STK33: variants seen among roughly 807,000 people sequenced by gnomAD.
The protein encoded by STK33 is serine/threonine kinase 33, also known as serine/threonine-protein kinase 33.
A neutral mutation model predicts 58.0 loss-of-function variants in STK33; 52 were observed. The observed-to-expected ratio is 0.90, with a 90% CI of 0.72 to 1.13. The LOEUF (loss-of-function observed/expected upper bound fraction) is 1.13. STK33 is among the 50% of genes most tolerant of loss of function. The pLI is 0.00. For missense variants in STK33, 630 were observed against 604.2 expected, an observed-to-expected ratio of 1.04 and a Z score of -0.45; for synonymous variants, 215 against 200.1, an observed-to-expected ratio of 1.07 and a Z score of -0.63.
chr11:8,492,526 T>G (rs1055259391), intron 1 of STK33, among the ~76,000 whole-genome samples: 2 of 152,176 alleles, frequency 1.3e-5, no homozygotes, highest in Non-Finnish European at 2.9e-5. Context: ...CTGTCAATAT[T>G]AGACAGATCA....
At chr11:8,534,434 G>T (rs1954801143) in intron 1 of STK33, among the ~76,000 whole-genome samples, 1 of 151,910 alleles carries the variant, frequency 6.6e-6, no homozygotes, top group African/African-American at 2.4e-5. Flanking sequence ...ATTTTGGTGG[G>T]CACACATTTT....
the STK33 span, among the ~76,000 whole-genome samples, chr11:8,368,475 C>A: frequency 5.9e-5 from 9 of 152,332 alleles, no homozygotes; most frequent in Non-Finnish European, 1.0e-4. Flanking sequence ...GGGCAGCCTG[C>A]CCAGCCCAAC....
At chr11:8,357,915 G>A in the STK33 span, among the ~76,000 whole-genome samples, 1 of 152,216 alleles carries the variant, frequency 6.6e-6, no homozygotes, top group Non-Finnish European at 1.5e-5. Flanking sequence ...ACTGAAGCCA[G>A]AAAATTGCAG....
chr11:8,532,780 C>T (rs1954656374), intron 1 of STK33, among the ~76,000 whole-genome samples: 1 of 152,074 alleles, frequency 6.6e-6, no homozygotes, highest in African/African-American at 2.4e-5. Context: ...GTTTGCTAAC[C>T]CTGATTATAA....
intron 11 of STK33, among the ~76,000 whole-genome samples, chr11:8,450,334 C>T (rs759699215): frequency 6.6e-6 from 1 of 152,024 alleles, no homozygotes; most frequent in African/African-American, 2.4e-5. Flanking sequence ...CATGTTCTCA[C>T]TTATAAGTGG....
intron 15 of STK33, among the ~76,000 whole-genome samples, chr11:8,394,304 C>T (rs1378569733): frequency 6.6e-6 from 1 of 152,194 alleles, no homozygotes; most frequent in Non-Finnish European, 1.5e-5. Context: ...CTAAGATATA[C>T]ACCCTATCTT....
the STK33 span, among the ~76,000 whole-genome samples, chr11:8,369,500 T>C: frequency 6.8e-6 from 1 of 148,060 alleles, no homozygotes; most frequent in Non-Finnish European, 1.5e-5. Flanking sequence ...GAAGCTTCTT[T>C]GTCATTTGTG....
chr11:8,399,499 T>C lies in STK33; in HGVS notation c.1345-6789A>G, dbSNP rs1247225369. ...AGAAGGAAATTTATAGCACTAAATGTCCACAAGAGAAAGCAGGAAAGATCT... is the reference window on the plus strand; with the variant it reads ...AGAAGGAAATTTATAGCACTAAATGCCCACAAGAGAAAGCAGGAAAGATCT... On this transcript the variant is annotated intron_variant, in intron 15 of 15. Transcript: ENST00000687296. Among the ~76,000 whole-genome samples, 6 of 152,182 alleles carry C rather than the reference T, an allele frequency of 3.9e-5. No individual in the cohort carries two copies. In the East Asian group the frequency reaches 1.2e-3, roughly 29 times the overall value.
chr11:8,547,412 C>G (rs1180715441), intron 1 of STK33, among the ~76,000 whole-genome samples: 2 of 152,144 alleles, frequency 1.3e-5, no homozygotes, highest in African/African-American at 2.4e-5. Flanking sequence ...TGAGGTTTCA[C>G]CATGTTGACC....
At chr11:8,553,183 TATATATATATATATGGTG>T (rs1210698669) in intron 1 of STK33, among the ~76,000 whole-genome samples, 3 of 75,830 alleles carry the variant, frequency 4.0e-5, no homozygotes, top group Non-Finnish European at 6.9e-5. Context: ...TATATATATA[TATATATATATATATGGTG>T]TATATATATA....
chr11:8,394,206 T>C (rs944814066), intron 15 of STK33, among the ~76,000 whole-genome samples: 1 of 152,222 alleles, frequency 6.6e-6, no homozygotes, highest in Admixed American at 6.5e-5. Flanking sequence ...AAACTCCTTA[T>C]GTTCAGTGAT....
intron 1 of STK33, among the ~76,000 whole-genome samples, chr11:8,512,260 T>C (rs1213415114): frequency 6.6e-6 from 1 of 152,206 alleles, no homozygotes; most frequent in East Asian, 1.9e-4. Flanking sequence ...CTTTTTTTCA[T>C]AGTTTGTATT....
At chr11:8,461,041 T>C (rs1436818179) in intron 8 of STK33, among the ~76,000 whole-genome samples, 2 of 152,162 alleles carry the variant, frequency 1.3e-5, no homozygotes, top group African/African-American at 4.8e-5. Flanking sequence ...AGCAACCAAG[T>C]GAGGTCAACA....
At chr11:8,364,691 C>A in the STK33 span, among the ~76,000 whole-genome samples, 1 of 152,194 alleles carries the variant, frequency 6.6e-6, no homozygotes, top group Non-Finnish European at 1.5e-5. Flanking sequence ...ATCAGAATCA[C>A]ATAAAATGAA....
At chr11:8,484,952 A>T (rs543499056) in intron 1 of STK33, among the ~76,000 whole-genome samples, 1 of 152,218 alleles carries the variant, frequency 6.6e-6, no homozygotes, top group Non-Finnish European at 1.5e-5. Flanking sequence ...GAGAAGAGAG[A>T]GGATTTCTCT....
intron 1 of STK33, among the ~76,000 whole-genome samples, chr11:8,503,548 T>G (rs1181691912): frequency 6.6e-6 from 1 of 152,084 alleles, no homozygotes; most frequent in Non-Finnish European, 1.5e-5. Flanking sequence ...CAAAACAACA[T>G]AGACACCAAA....
At chr11:8,371,680 TTTC>T in the STK33 span, among the ~76,000 whole-genome samples, 787 of 150,082 alleles carry the variant, frequency 5.2e-3, 4 homozygotes, top group South Asian at 0.019. Context: ...TCTCTCCCTC[TTTC>T]TTCTTTTCTT....
At chr11:8,347,868 G>A in the STK33 span, among the ~76,000 whole-genome samples, 52,453 of 152,124 alleles carry the variant, frequency 0.34, 9,154 homozygotes, top group South Asian at 0.45. Context: ...CCACTGTGGC[G>A]GAAGGGGCAG....
downstream of STK33, among the ~76,000 whole-genome samples, chr11:8,387,328 A>G (rs538787741): frequency 3.3e-5 from 5 of 152,286 alleles, no homozygotes; most frequent in African/African-American, 1.2e-4. Context: ...ACATCTTGAG[A>G]GGCATATAGT....
Sources: allele counts gnomAD v4.1 joint callset (sites outside exome capture counted in the v4.1 genomes callset), GRCh38; gene constraint gnomAD v4.1.1; transcripts MANE v1.5; gene names NCBI Gene and HGNC (gene_info 2026-07-23, HGNC 2026-07-21).